The following CNTNAP2 variants were observed in gnomAD, a reference collection of about 807,000 sequenced individuals.
CNTNAP2 encodes contactin associated protein 2.
CNTNAP2 carries 98 observed loss-of-function variants against 155.2 expected under a neutral mutation model. The observed-to-expected ratio is 0.63, with a 90% CI of 0.54 to 0.75. The LOEUF (loss-of-function observed/expected upper bound fraction) is 0.75, where lower values mean the gene tolerates loss of function less well. Among genes scored for constraint, CNTNAP2 ranks in the 30% least tolerant of loss-of-function variants. The probability of loss-of-function intolerance (pLI) is 0.00; values close to 1 mark genes in which losing one functional copy is unlikely to be tolerated. For synonymous variants in CNTNAP2, 651 were observed against 631.2 expected, an observed-to-expected ratio of 1.03 and a Z score of -0.47; for missense variants, 1,727 against 1,688.1, an observed-to-expected ratio of 1.02 and a Z score of -0.40.
chr7:146,943,823 C>T (rs187138024), intron 3 of CNTNAP2, among the ~76,000 whole-genome samples: 9 of 152,268 alleles, frequency 5.9e-5, no homozygotes, highest in African/African-American at 2.2e-4. Context: ...TTACTTACTA[C>T]TGCAATACTC....
At chr7:146,698,140 T>C (rs1301429206) in intron 1 of CNTNAP2, among the ~76,000 whole-genome samples, 1 of 152,170 alleles carries the variant, frequency 6.6e-6, no homozygotes, top group Admixed American at 6.6e-5. Context: ...CTCATTTATC[T>C]GTAAGCTAGA....
At chr7:146,817,639 G>A (rs571322191) in intron 2 of CNTNAP2, among the ~76,000 whole-genome samples, 5 of 152,188 alleles carry the variant, frequency 3.3e-5, no homozygotes, top group South Asian at 4.2e-4. Flanking sequence ...GAGCTGACAC[G>A]TCTTATTTGG....
At chr7:146,930,056 AG>A (rs1796713036) in intron 3 of CNTNAP2, among the ~76,000 whole-genome samples, 1 of 152,154 alleles carries the variant, frequency 6.6e-6, no homozygotes, top group Non-Finnish European at 1.5e-5. Context: ...CTAGCAAGGC[AG>A]GCCAACATTC....
Position 147,348,585 on chromosome 7 carries a change from G to A in CNTNAP2, c.1499-47024G>A, listed in dbSNP as rs182025689. Among the ~76,000 whole-genome samples the A allele has an allele frequency of 4.6e-5, 7 of 152,008 alleles. No individual in the cohort carries two copies. The East Asian group carries it at 1.4e-3, about 29-fold the overall frequency. On this transcript the variant is annotated intron_variant, in intron 9 of 23. Coordinates refer to ENST00000361727, the MANE Select transcript of CNTNAP2 (RefSeq NM_014141.6). ...TACAGCCACTCCAGAAAAAAGTATG[G>A]AGGTCCTCAAAAAACTACAAATAGC...
At chr7:146,409,053 G>A (rs1261676320) in intron 1 of CNTNAP2, among the ~76,000 whole-genome samples, 1 of 151,968 alleles carries the variant, frequency 6.6e-6, no homozygotes, top group East Asian at 1.9e-4. Flanking sequence ...GAATATGGTA[G>A]GTGTTTAATT....
At chr7:147,001,751 A>C (rs568364390) in intron 3 of CNTNAP2, among the ~76,000 whole-genome samples, 100 of 152,098 alleles carry the variant, frequency 6.6e-4, no homozygotes, top group African/African-American at 2.3e-3. Context: ...CCCCTGTAAC[A>C]AAGCTTGTCA....
intron 3 of CNTNAP2, among the ~76,000 whole-genome samples, chr7:146,906,740 A>G (rs1796137440): frequency 1.3e-5 from 2 of 152,332 alleles, no homozygotes; most frequent in South Asian, 4.1e-4. Flanking sequence ...TAAAACGCAG[A>G]ACACCTCTCC....
At chr7:147,798,856 TGA>T (rs979465028) in intron 13 of CNTNAP2, among the ~76,000 whole-genome samples, 8 of 152,126 alleles carry the variant, frequency 5.3e-5, no homozygotes, top group African/African-American at 1.9e-4. Flanking sequence ...ACATAGTAAC[TGA>T]GAGTGTTCAC....
intron 8 of CNTNAP2, among the ~76,000 whole-genome samples, chr7:147,265,255 G>C (rs548735405): frequency 6.6e-6 from 1 of 152,336 alleles, no homozygotes; most frequent in Non-Finnish European, 1.5e-5. Flanking sequence ...TTGTTACACA[G>C]ATAAACGTGT....
chr7:147,842,211 A>G (rs1798745498), intron 13 of CNTNAP2, among the ~76,000 whole-genome samples: 2 of 152,242 alleles, frequency 1.3e-5, no homozygotes, highest in African/African-American at 4.8e-5. Flanking sequence ...ACTTTACCAA[A>G]GGTCACATAG....
intron 9 of CNTNAP2, among the ~76,000 whole-genome samples, chr7:147,354,024 T>A (rs1796016521): frequency 6.6e-6 from 1 of 152,116 alleles, no homozygotes; most frequent in African/African-American, 2.4e-5. Flanking sequence ...CCTTGTAGAT[T>A]CTGGATATTA....
chr7:146,986,684 G>T (rs1010186267), intron 3 of CNTNAP2, among the ~76,000 whole-genome samples: 1 of 151,910 alleles, frequency 6.6e-6, no homozygotes, highest in Admixed American at 6.6e-5. Flanking sequence ...TTGATTTTTT[G>T]ATTATGGCCA....
intron 1 of CNTNAP2, among the ~76,000 whole-genome samples, chr7:146,674,913 A>G (rs552813455): frequency 6.6e-6 from 1 of 152,194 alleles, no homozygotes; most frequent in African/African-American, 2.4e-5. Context: ...CTTTACAGGT[A>G]TAAGTTTCCT....
At position 148,142,976 on chromosome 7, in the gene CNTNAP2, A is replaced by G. The variant is rs1210469516; in HGVS notation, c.2555-4515A>G. 5.9e-5 allele frequency among the ~76,000 whole-genome samples: 9 copies of G among 152,126 alleles called. 1 individual carries two copies. In the South Asian group the frequency reaches 1.9e-3, roughly 32 times the overall value. ...TATTAGAAAGTAATTTCTTCCACCT[A>G]TATTCTTTTCTGATGGCAATATGCC... On this transcript the variant is annotated intron_variant, in intron 16 of 23. Transcript: ENST00000361727.
intron 3 of CNTNAP2, among the ~76,000 whole-genome samples, chr7:146,937,765 G>A (rs1025048821): frequency 4.6e-5 from 7 of 152,146 alleles, no homozygotes; most frequent in African/African-American, 1.7e-4. Flanking sequence ...AATTAAAAAG[G>A]GTTAGAATCT....
chr7:146,731,564 A>G (rs1304175275), intron 1 of CNTNAP2, among the ~76,000 whole-genome samples: 2 of 152,104 alleles, frequency 1.3e-5, no homozygotes, highest in African/African-American at 4.8e-5. Flanking sequence ...CCTTTCATAA[A>G]TCTAAAAAAT....
At chr7:147,696,002 T>C (rs1429504622) in intron 13 of CNTNAP2, among the ~76,000 whole-genome samples, 1 of 152,204 alleles carries the variant, frequency 6.6e-6, no homozygotes, top group East Asian at 1.9e-4. Context: ...ACTTCCACTT[T>C]CTTTTGATTC....
intron 21 of CNTNAP2, among the ~76,000 whole-genome samples, chr7:148,297,683 A>G (rs1340983487): frequency 6.6e-6 from 1 of 152,154 alleles, no homozygotes; most frequent in African/African-American, 2.4e-5. Context: ...TATCTTGAAG[A>G]CAGTAGAGAA....
At chr7:146,247,871 TAG>T (rs1389277742) in intron 1 of CNTNAP2, among the ~76,000 whole-genome samples, 7 of 150,538 alleles carry the variant, frequency 4.6e-5, no homozygotes, top group Non-Finnish European at 1.0e-4. Context: ...GAGAAAAGAG[TAG>T]AGACACGGAG....
Sources: gnomAD v4.1 joint callset for allele counts (sites outside exome capture counted in the v4.1 genomes callset) on GRCh38, gnomAD v4.1.1 for gene constraint, MANE v1.5 for transcripts, NCBI Gene and HGNC (gene_info 2026-07-23, HGNC 2026-07-21) for gene names.